The following JAM3 variants were observed in gnomAD, a reference collection of about 807,000 sequenced individuals.
The protein encoded by JAM3 is junctional adhesion molecule 3, also known as junctional adhesion molecule C.
Under a neutral mutation model 39.4 loss-of-function variants are expected in JAM3, and 31 were observed. The observed-to-expected ratio is 0.79, with a 90% CI of 0.59 to 1.06. The LOEUF (loss-of-function observed/expected upper bound fraction) is 1.06. JAM3 is among the 50% of genes least tolerant of loss of function. The probability of loss-of-function intolerance (pLI) is 0.00; values close to 1 mark genes in which losing one functional copy is unlikely to be tolerated. For missense variants in JAM3, 455 were observed against 391.4 expected (o/e 1.16, Z -1.37); for synonymous variants, 182 against 148.7 (o/e 1.22, Z -1.63).
chr11:134,149,545 C>A lies in JAM3; in HGVS notation c.*364C>A. 1 of 492,778 alleles carries A rather than the reference C, an allele frequency of 2.0e-6. No homozygotes were observed. Among genetic ancestry groups the A allele is most frequent in the Non-Finnish European group, 4.0e-6 (1 of 252,172 alleles). 30.5% of individuals were successfully genotyped at this position (492,778 alleles called of 1,614,324 possible). A position where few individuals can be genotyped will look rare whatever the true frequency, so the allele number is the denominator to read the frequency against. ...TGAAGCCAGCATGTTCACCACTGGT[C>A]GTTCAGCAGCCACGACAGCACCATG... On this transcript the variant is annotated 3_prime_UTR_variant, in exon 9 of 9. Coordinates refer to ENST00000299106, the MANE Select transcript of JAM3 (RefSeq NM_032801.5).
intron 1 of JAM3, among the ~76,000 whole-genome samples, chr11:134,091,291 T>G (rs1237244233): frequency 6.6e-6 from 1 of 151,944 alleles, no homozygotes; most frequent in Non-Finnish European, 1.5e-5. Flanking sequence ...GTCAGGAGAT[T>G]GAGACCATAC....
At chr11:134,106,003 A>G (rs1241066957) in intron 1 of JAM3, among the ~76,000 whole-genome samples, 3 of 152,314 alleles carry the variant, frequency 2.0e-5, no homozygotes, top group Admixed American at 1.3e-4. Context: ...AACTACTTTA[A>G]AGTTCCTATG....
At chr11:134,127,281 G>C (rs1323646750) in intron 1 of JAM3, among the ~76,000 whole-genome samples, 1 of 152,222 alleles carries the variant, frequency 6.6e-6, no homozygotes, top group African/African-American at 2.4e-5. Context: ...CTGTCTTGAA[G>C]AGTGACCCTA....
At chr11:134,087,310 T>G (rs1389994198) in intron 1 of JAM3, among the ~76,000 whole-genome samples, 2 of 152,166 alleles carry the variant, frequency 1.3e-5, no homozygotes, top group African/African-American at 4.8e-5. Flanking sequence ...ATAAAGTATT[T>G]CTGTTTAAGA....
intron 1 of JAM3, among the ~76,000 whole-genome samples, chr11:134,082,094 G>A (rs1335895295): frequency 6.6e-6 from 1 of 152,152 alleles, no homozygotes; most frequent in Non-Finnish European, 1.5e-5. Flanking sequence ...TTTAAGACTT[G>A]ACTGCCTTGT....
chr11:134,121,953 G>A (rs747142631), intron 1 of JAM3, among the ~76,000 whole-genome samples: 2 of 152,194 alleles, frequency 1.3e-5, no homozygotes. Context: ...AGCTTAGCAC[G>A]TGTGCTGTTT....
At chr11:134,101,697 C>G (rs537967821) in intron 1 of JAM3, among the ~76,000 whole-genome samples, 1 of 152,298 alleles carries the variant, frequency 6.6e-6, no homozygotes, top group African/African-American at 2.4e-5. Flanking sequence ...CAAATCTGAT[C>G]ATATTTCTCC....
chr11:134,099,364 G>C (rs1942035630), intron 1 of JAM3, among the ~76,000 whole-genome samples: 2 of 152,086 alleles, frequency 1.3e-5, no homozygotes, highest in Non-Finnish European at 2.9e-5. Flanking sequence ...GGTGAAATCT[G>C]TTTCTATTTG....
chr11:134,090,978 C>T (rs899549522), intron 1 of JAM3, among the ~76,000 whole-genome samples: 5 of 152,194 alleles, frequency 3.3e-5, no homozygotes, highest in African/African-American at 9.7e-5. Flanking sequence ...TCTATTCCTC[C>T]TGTTAAGTAC....
intron 5 of JAM3, 39 bp from the exon 6 acceptor site, chr11:134,145,907 T>C: frequency 7.0e-7 from 1 of 1,427,070 alleles, no homozygotes; most frequent in Non-Finnish European, 9.9e-7. Context: ...ATCGGCCCCA[T>C]GATGGGTCCG....
At position 134,069,113 on chromosome 11, in the gene JAM3, G is replaced by T. The variant is rs749697016; in HGVS notation, c.30G>T (p.Arg10=). The T allele has an allele frequency of 1.1e-5, 17 of 1,612,294 alleles. No individual in the cohort carries two copies. Among genetic ancestry groups the T allele is most frequent in the Non-Finnish European group, 1.3e-5 (15 of 1,179,330 alleles). MALRRPPRL[R]LCARLPDFFL... is the part of the protein sequence containing the mutation. ...CGCTGAGGCGGCCACCGCGACTCCG[G>T]CTCTGCGCTCGGCTGCCTGACTTCT... The change falls in exon 1 of 9, where the codon CGG becomes CGT. Residue 10 remains arginine, a synonymous_variant. Coordinates refer to ENST00000299106, the MANE Select transcript of JAM3 (RefSeq NM_032801.5).
rs944946443 is a variant in JAM3 at position 134,069,571 on chromosome 11, C to T, written c.76+412C>T. Among the ~76,000 whole-genome samples, 6 of 151,642 alleles carry T rather than the reference C, an allele frequency of 4.0e-5. No homozygotes were observed. In the South Asian group the frequency reaches 6.3e-4, roughly 16 times the overall value. On this transcript the variant is annotated intron_variant, in intron 1 of 8. Coordinates refer to ENST00000299106, the MANE Select transcript of JAM3 (RefSeq NM_032801.5). ...GGTGGGCTCATCCCCCGGGTGGGCT[C>T]CTCCCAGGCGGGGTCCTGTGCTGGG...
At chr11:134,072,385 AAAACTCCG>A (rs1189347262) in intron 1 of JAM3, among the ~76,000 whole-genome samples, 139 of 141,832 alleles carry the variant, frequency 9.8e-4, no homozygotes, top group Non-Finnish European at 1.5e-3. Flanking sequence ...AACTCACTGC[AAAACTCCG>A]CCTCCCAGGT....
chr11:134,134,813 T>A (rs929744910), intron 1 of JAM3, among the ~76,000 whole-genome samples: 4 of 152,258 alleles, frequency 2.6e-5, no homozygotes, highest in Non-Finnish European at 5.9e-5. Flanking sequence ...GCATGTCTAT[T>A]TGAACTCTTT....
At chr11:134,080,842 G>A (rs891477458) in intron 1 of JAM3, among the ~76,000 whole-genome samples, 8 of 152,172 alleles carry the variant, frequency 5.3e-5, no homozygotes, top group African/African-American at 1.9e-4. Flanking sequence ...CTCAGAAGAA[G>A]ACAAGAAAAT....
At chr11:134,116,349 A>AT (rs1942433548) in intron 1 of JAM3, among the ~76,000 whole-genome samples, 2 of 151,956 alleles carry the variant, frequency 1.3e-5, no homozygotes, top group African/African-American at 4.8e-5. Flanking sequence ...TTCTTTCTAC[A>AT]TTTGTTCATT....
At chr11:134,080,149 C>G (rs1274866207) in intron 1 of JAM3, among the ~76,000 whole-genome samples, 1 of 152,222 alleles carries the variant, frequency 6.6e-6, no homozygotes. Flanking sequence ...GAAGTTTTCA[C>G]TCTGACCATA....
intron 1 of JAM3, among the ~76,000 whole-genome samples, chr11:134,112,610 T>G (rs758574037): frequency 6.6e-6 from 1 of 152,166 alleles, no homozygotes; most frequent in Non-Finnish European, 1.5e-5. Flanking sequence ...TTACCAACAC[T>G]GAACTTTTAT....
intron 1 of JAM3, among the ~76,000 whole-genome samples, chr11:134,105,621 A>T (rs1473046838): frequency 6.6e-6 from 1 of 152,220 alleles, no homozygotes; most frequent in Non-Finnish European, 1.5e-5. Flanking sequence ...TCAGCCCAAA[A>T]TCTCCTTAAG....
Sources: gnomAD v4.1 joint callset for allele counts (sites outside exome capture counted in the v4.1 genomes callset) on GRCh38, gnomAD v4.1.1 for gene constraint, MANE v1.5 for transcripts, NCBI Gene and HGNC (gene_info 2026-07-23, HGNC 2026-07-21) for gene names.